Variants in PALLD observed in about 807,000 individuals in gnomAD.
PALLD encodes the protein palladin, cytoskeletal associated protein, also known as palladin.
Under a neutral mutation model 123.5 loss-of-function variants are expected in PALLD, and 61 were observed. The observed-to-expected ratio is 0.49, with a 90% CI of 0.40 to 0.61. The LOEUF (loss-of-function observed/expected upper bound fraction) is 0.61. Ranked by LOEUF, PALLD falls within the 20% of genes least tolerant of loss-of-function variation. The pLI is 0.00. For synonymous variants in PALLD, 465 were observed against 496.4 expected (o/e 0.94, Z 0.84); for missense variants, 1,273 against 1,377.0 (o/e 0.92, Z 1.20).
intron 10 of PALLD, among the ~76,000 whole-genome samples, chr4:168,863,331 G>A (rs1749764420): frequency 6.6e-6 from 1 of 152,172 alleles, no homozygotes; most frequent in African/African-American, 2.4e-5. Flanking sequence ...ACCCAGTCCA[G>A]GCAGCATTGA....
Position 168,925,052 on chromosome 4 carries a change from C to A in PALLD, c.3332C>A (p.Ser1111Tyr), listed in dbSNP as rs1175390421. The A allele has an allele frequency of 6.2e-6, 10 of 1,613,954 alleles. No homozygotes were observed. The highest frequency in any genetic ancestry group is 8.5e-6 in the Non-Finnish European group (10 of 1,179,974). The stretch of plus-strand genomic sequence containing the variant: ...GCCAAGAATGAAGCAGGGATTGTGT[C>A]CTGTACTGCCAGGCTGGACGTTTAC... Reference protein sequence around the residue: ...VSAKNEAGIVSCTARLDVYIS... With the variant: ...VSAKNEAGIVYCTARLDVYIS... The change falls in exon 20 of 22, where the codon TCC becomes TAC. Residue 1111 changes from serine (S) to tyrosine (Y), a missense_variant. Coordinates refer to ENST00000505667, the MANE Select transcript of PALLD (RefSeq NM_001166108.2).
At chr4:168,710,689 A>G (rs1784752615) in intron 9 of PALLD, among the ~76,000 whole-genome samples, 1 of 152,194 alleles carries the variant, frequency 6.6e-6, no homozygotes, top group Admixed American at 6.5e-5. Flanking sequence ...AAGTGTCAGG[A>G]TCAGAGTTAC....
chr4:168,539,169 C>G (rs939435261), intron 2 of PALLD, among the ~76,000 whole-genome samples: 1 of 152,176 alleles, frequency 6.6e-6, no homozygotes, highest in Non-Finnish European at 1.5e-5. Flanking sequence ...TCCCATTTTA[C>G]AAATAAGGAA....
At chr4:168,619,590 T>C (rs918459535) in intron 2 of PALLD, among the ~76,000 whole-genome samples, 12 of 152,144 alleles carry the variant, frequency 7.9e-5, no homozygotes, top group Non-Finnish European at 2.9e-5. Context: ...TTAGAGAAGT[T>C]TGGAGATCAA....
In PALLD at chr4:168,801,533, C is replaced by T. The variant is rs112308820; in HGVS notation, c.1965-89389C>T. ...GACCTCGTGATCTGCCCGCCTCGGC[C>T]TCCCAAAGTGCTGGGATCACAAGCG... On this transcript the variant is annotated intron_variant, in intron 10 of 21. Transcript: ENST00000505667. Among the ~76,000 whole-genome samples, 302 of 152,312 alleles carry T rather than the reference C, an allele frequency of 2.0e-3. 1 individual carries two copies. The highest frequency in any genetic ancestry group is 6.9e-3 in the African/African-American group (288 of 41,576).
At chr4:168,587,754 A>G (rs1269544090) in intron 2 of PALLD, among the ~76,000 whole-genome samples, 1 of 152,116 alleles carries the variant, frequency 6.6e-6, no homozygotes, top group African/African-American at 2.4e-5. Context: ...ACCATACAGA[A>G]ATCCACAAAA....
intron 2 of PALLD, among the ~76,000 whole-genome samples, chr4:168,626,739 G>A (rs1775338267): frequency 6.7e-6 from 1 of 149,444 alleles, no homozygotes; most frequent in Non-Finnish European, 1.5e-5. Context: ...AAAAGTAAAT[G>A]TGGTATAGAC....
At chr4:168,749,626 C>T (rs946060847) in intron 10 of PALLD, among the ~76,000 whole-genome samples, 10 of 152,136 alleles carry the variant, frequency 6.6e-5, no homozygotes, top group African/African-American at 2.4e-4. Flanking sequence ...ATCACTTGAA[C>T]CCGAGAGGCA....
chr4:168,624,720 T>C (rs1050308537), intron 2 of PALLD, among the ~76,000 whole-genome samples: 2 of 152,152 alleles, frequency 1.3e-5, no homozygotes, highest in Non-Finnish European at 1.5e-5. Context: ...ATAAACAATA[T>C]GAGTAAGATA....
At chr4:168,512,540 G>A (rs548480313) in intron 2 of PALLD, 128 bp downstream of exon 2, 1 of 896,310 alleles carries the variant, frequency 1.1e-6, no homozygotes, top group Admixed American at 2.0e-5. Flanking sequence ...TGCAAGGAGA[G>A]AAGCAGCCCA....
rs201161235 is a variant in PALLD, at chr4:168,887,132, AG to A, written c.1965-3789del. On this transcript the variant is annotated intron_variant, in intron 10 of 21. Coordinates refer to ENST00000505667, the MANE Select transcript of PALLD (RefSeq NM_001166108.2). ...ACTCTGTCTCAAAAAAAAAAAAAAAAGAAAAAGAAAAAGTAGAATAATCAGT... is the reference window on the plus strand; with the variant it reads ...ACTCTGTCTCAAAAAAAAAAAAAAAAAAAAAGAAAAAGTAGAATAATCAGT... Among the ~76,000 whole-genome samples the A allele has an allele frequency of 2.0e-4, 24 of 118,336 alleles. 5 individuals are homozygous for A. The highest frequency in any genetic ancestry group is 9.9e-4 in the South Asian group (4 of 4,036). 77.6% of individuals were successfully genotyped at this position (118,336 alleles called of 152,430 possible).
chr4:168,756,381 GAGTAAAATCT>G, intron 10 of PALLD: 1 of 210,540 alleles, frequency 4.7e-6, no homozygotes, highest in Admixed American at 4.5e-5. Flanking sequence ...GCAGGCTGAT[GAGTAAAATCT>G]AAGAGTTGTA....
chr4:168,673,819 T>A (rs2150044384), intron 3 of PALLD, among the ~76,000 whole-genome samples: 1 of 152,168 alleles, frequency 6.6e-6, no homozygotes, highest in African/African-American at 2.4e-5. Context: ...TGCCAATCTC[T>A]GAAATGAGGA....
intron 2 of PALLD, among the ~76,000 whole-genome samples, chr4:168,575,557 C>G (rs2149626660): frequency 6.6e-6 from 1 of 152,126 alleles, no homozygotes; most frequent in East Asian, 1.9e-4. Flanking sequence ...TATCACCACT[C>G]TAACCCCAGA....
intron 2 of PALLD, among the ~76,000 whole-genome samples, chr4:168,615,363 C>T (rs1459504300): frequency 1.3e-5 from 2 of 152,186 alleles, no homozygotes; most frequent in Non-Finnish European, 2.9e-5. Context: ...AATTTATCTT[C>T]ATTACCATCT....
At position 168,590,864 on chromosome 4, in the gene PALLD, G is replaced by GT. The variant is rs371992201; in HGVS notation, c.909-77294dup. Among the ~76,000 whole-genome samples the GT allele has an allele frequency of 6.7e-3, 472 of 70,138 alleles. 20 individuals carry two copies. The highest frequency in any genetic ancestry group is 9.6e-3 in the Non-Finnish European group (378 of 39,560). The allele number at this position is 70,138 out of a possible 152,430, so 46.0% of individuals were successfully genotyped here. On this transcript the variant is annotated intron_variant, in intron 2 of 21. Coordinates refer to ENST00000505667, the MANE Select transcript of PALLD (RefSeq NM_001166108.2). ...CTTTACTCAGAAGGGGACCTAGAAA[G>GT]TTTTTTTTTTTTTTTTTTTTTTTTT...
intron 10 of PALLD, among the ~76,000 whole-genome samples, chr4:168,736,945 G>C (rs1175608391): frequency 6.6e-6 from 1 of 152,188 alleles, no homozygotes; most frequent in South Asian, 2.1e-4. Context: ...GATAGGAAAC[G>C]AGAAGCTTAA....
chr4:168,811,255 C>T (rs1303061420), intron 10 of PALLD, among the ~76,000 whole-genome samples: 3 of 152,170 alleles, frequency 2.0e-5, no homozygotes, highest in Admixed American at 6.5e-5. Flanking sequence ...ACTCTCAGAG[C>T]GTCTTGGTGT....
intron 8 of PALLD, among the ~76,000 whole-genome samples, chr4:168,702,981 A>G (rs1783831464): frequency 6.8e-6 from 1 of 146,736 alleles, no homozygotes; most frequent in East Asian, 2.0e-4. Flanking sequence ...ATATGTATAC[A>G]TGTGCCATGC....
Sources: allele counts gnomAD v4.1 joint callset (sites outside exome capture counted in the v4.1 genomes callset), GRCh38; gene constraint gnomAD v4.1.1; transcripts MANE v1.5; gene names NCBI Gene and HGNC (gene_info 2026-07-23, HGNC 2026-07-21).